PRKG1: variants seen among roughly 807,000 people sequenced by gnomAD.
PRKG1 encodes cGMP-dependent protein kinase 1.
PRKG1 carries 35 observed loss-of-function variants against 88.1 expected under a neutral mutation model. The observed-to-expected ratio is 0.40, with a 90% CI of 0.30 to 0.53. The LOEUF is 0.53. PRKG1 is among the 20% of genes least tolerant of loss of function. The pLI is 0.59. For synonymous variants in PRKG1, 303 were observed against 292.5 expected, an observed-to-expected ratio of 1.04 and a Z score of -0.37; for missense variants, 540 against 839.8, an observed-to-expected ratio of 0.64 and a Z score of 4.41.
chr10:51,519,539 ACT>A (rs1841684465), intron 3 of PRKG1, among the ~76,000 whole-genome samples: 2 of 152,164 alleles, frequency 1.3e-5, no homozygotes, highest in South Asian at 4.1e-4. Context: ...TTTAAAGAAA[ACT>A]TTTCATTACT....
chr10:51,517,174 GA>G (rs1406023711), intron 3 of PRKG1, among the ~76,000 whole-genome samples: 6 of 152,204 alleles, frequency 3.9e-5, no homozygotes, highest in African/African-American at 1.2e-4. Context: ...AAGATCAGAA[GA>G]AACAGTTACA....
chr10:51,418,136 T>C (rs906847814), intron 2 of PRKG1, among the ~76,000 whole-genome samples: 11 of 152,222 alleles, frequency 7.2e-5, no homozygotes, highest in Non-Finnish European at 1.0e-4. Flanking sequence ...GAAAGCTCAA[T>C]TAATTTATTC....
chr10:52,197,901 T>C (rs1374415991), intron 9 of PRKG1, among the ~76,000 whole-genome samples: 1 of 152,196 alleles, frequency 6.6e-6, no homozygotes, highest in Admixed American at 6.5e-5. Context: ...AATATGCCTT[T>C]TCTGGTCACT....
intron 3 of PRKG1, among the ~76,000 whole-genome samples, chr10:51,575,066 A>T (rs1837849982): frequency 6.6e-6 from 1 of 151,940 alleles, no homozygotes; most frequent in African/African-American, 2.4e-5. Context: ...TAGCTTGTTA[A>T]ATGTTCTGCC....
chr10:51,891,284 A>G (rs1235919871), intron 4 of PRKG1, among the ~76,000 whole-genome samples: 4 of 152,148 alleles, frequency 2.6e-5, no homozygotes, highest in Non-Finnish European at 5.9e-5. Flanking sequence ...TAAATAATAC[A>G]TAAAATATTC....
intron 3 of PRKG1, among the ~76,000 whole-genome samples, chr10:51,674,620 C>G (rs1381394659): frequency 6.6e-6 from 1 of 152,040 alleles, no homozygotes; most frequent in Admixed American, 6.6e-5. Flanking sequence ...CTTTACATCT[C>G]AAAACTGCTC....
chr10:52,133,075 C>A (rs1246744760), intron 7 of PRKG1, among the ~76,000 whole-genome samples: 1 of 151,940 alleles, frequency 6.6e-6, no homozygotes, highest in East Asian at 1.9e-4. Flanking sequence ...ACCCGTTAAC[C>A]ATGTTACCAT....
chr10:52,094,251 T>G (rs1358422346), intron 7 of PRKG1, among the ~76,000 whole-genome samples: 1 of 152,192 alleles, frequency 6.6e-6, no homozygotes, highest in East Asian at 1.9e-4. Flanking sequence ...AAAAACAAAT[T>G]TATGCAATCA....
chr10:51,509,960 A>G (rs918963698), intron 3 of PRKG1, among the ~76,000 whole-genome samples: 3 of 152,164 alleles, frequency 2.0e-5, no homozygotes, highest in African/African-American at 7.2e-5. Flanking sequence ...CCTGCTTTTA[A>G]GGAATTTCTC....
At chr10:51,232,014 C>T (rs983518837) in intron 2 of PRKG1, among the ~76,000 whole-genome samples, 4 of 152,154 alleles carry the variant, frequency 2.6e-5, no homozygotes, top group Non-Finnish European at 2.9e-5. Flanking sequence ...TATTGTCCTA[C>T]GTGGTTGCAC....
chr10:52,271,560 C>T, intron 11 of PRKG1, 71 bp downstream of exon 11: 3 of 1,527,166 alleles, frequency 2.0e-6, no homozygotes, highest in Non-Finnish European at 2.7e-6. Flanking sequence ...CCCTCTGCCA[C>T]TTGTGCTCAC....
At chr10:51,006,106 C>G (rs1193908516) in intron 1 of PRKG1, among the ~76,000 whole-genome samples, 2 of 152,120 alleles carry the variant, frequency 1.3e-5, no homozygotes, top group African/African-American at 4.8e-5. Flanking sequence ...TTGTGTAGCC[C>G]CAGTGCCTGT....
At chr10:52,093,315 C>G (rs1034313783) in intron 7 of PRKG1, among the ~76,000 whole-genome samples, 1 of 151,776 alleles carries the variant, frequency 6.6e-6, no homozygotes. Context: ...GGTCAAATAA[C>G]TGTTATCCTT....
At chr10:52,170,935 C>G (rs1838653472) in intron 9 of PRKG1, among the ~76,000 whole-genome samples, 1 of 152,176 alleles carries the variant, frequency 6.6e-6, no homozygotes, top group Non-Finnish European at 1.5e-5. Context: ...ATGCGCTCAT[C>G]AAATGCCTCT....
At chr10:52,038,160 AG>A (rs925826465) in intron 5 of PRKG1, among the ~76,000 whole-genome samples, 5 of 152,228 alleles carry the variant, frequency 3.3e-5, no homozygotes, top group Non-Finnish European at 7.4e-5. Context: ...GTTTTAGGTC[AG>A]GTGTGAGTTG....
At chr10:51,633,331 C>A (rs903828325) in intron 3 of PRKG1, among the ~76,000 whole-genome samples, 3 of 152,046 alleles carry the variant, frequency 2.0e-5, no homozygotes, top group African/African-American at 7.2e-5. Flanking sequence ...TGATAGAAGA[C>A]TTACTCCTTT....
intron 2 of PRKG1, among the ~76,000 whole-genome samples, chr10:51,413,144 A>G (rs1271445808): frequency 6.6e-6 from 1 of 152,192 alleles, no homozygotes; most frequent in Admixed American, 6.5e-5. Context: ...ATGATTTGCT[A>G]TTTCCCATTC....
intron 3 of PRKG1, among the ~76,000 whole-genome samples, chr10:51,646,776 T>A (rs888784444): frequency 1.3e-4 from 19 of 151,860 alleles, no homozygotes; most frequent in Non-Finnish European, 2.6e-4. Flanking sequence ...ATTTAATAAA[T>A]CAGCTATATT....
At chr10:51,384,940 AAAAC>A (rs762995209) in intron 2 of PRKG1, among the ~76,000 whole-genome samples, 24 of 152,364 alleles carry the variant, frequency 1.6e-4, no homozygotes, top group Admixed American at 5.9e-4. Context: ...TGTAAAAACT[AAAAC>A]AAAACAAAGC....
Sources: gnomAD v4.1 joint callset for allele counts (sites outside exome capture counted in the v4.1 genomes callset) on GRCh38, gnomAD v4.1.1 for gene constraint, MANE v1.5 for transcripts, NCBI Gene and HGNC (gene_info 2026-07-23, HGNC 2026-07-21) for gene names.